Variants in PDS5B observed in about 807,000 individuals in gnomAD.
PDS5B encodes the protein PDS5 cohesin associated factor B.
Under a neutral mutation model 184.1 loss-of-function variants are expected in PDS5B, and 51 were observed. The observed-to-expected ratio is 0.28, with a 90% CI of 0.22 to 0.35. The LOEUF (loss-of-function observed/expected upper bound fraction) is 0.35. Ranked by LOEUF, PDS5B falls within the 10% of genes least tolerant of loss-of-function variation. The pLI is 1.00. For missense variants in PDS5B, 1,180 were observed against 1,723.3 expected, an observed-to-expected ratio of 0.68 and a Z score of 5.58; for synonymous variants, 566 against 569.2, an observed-to-expected ratio of 0.99 and a Z score of 0.08.
At chr13:32,647,472 T>C (rs1174770031) in intron 1 of PDS5B, among the ~76,000 whole-genome samples, 2 of 152,164 alleles carry the variant, frequency 1.3e-5, no homozygotes. Flanking sequence ...GATTTTGGTA[T>C]GTTGCCCAGG....
intron 1 of PDS5B, among the ~76,000 whole-genome samples, chr13:32,592,650 A>G (rs1193789863): frequency 6.6e-6 from 1 of 152,082 alleles, no homozygotes; most frequent in East Asian, 1.9e-4. Context: ...GGGTAACATA[A>G]ATAGGTCAAG....
chr13:32,761,344 GT>G (rs569699919), intron 30 of PDS5B, among the ~76,000 whole-genome samples: 6 of 151,482 alleles, frequency 4.0e-5, no homozygotes, highest in African/African-American at 1.2e-4. Context: ...TTGCTTTTTT[GT>G]TTTTTTTAAA....
At chr13:32,596,347 G>A (rs1219666763) in intron 1 of PDS5B, among the ~76,000 whole-genome samples, 2 of 152,152 alleles carry the variant, frequency 1.3e-5, no homozygotes, top group African/African-American at 4.8e-5. Context: ...TTCATCCATG[G>A]GGTTGGATGT....
At position 32,770,160 on chromosome 13, in the gene PDS5B, G is replaced by A. The variant is rs374693255; in HGVS notation, c.3664G>A (p.Val1222Ile). ...EKPRGRKKTP[V>I]TEQEEKLGMD... ...GCCTAGAGGCAGGAAAAAAACGCCC[G>A]TCACAGAACAGGAGGAGAAATTAGG... is the stretch of plus-strand genomic sequence containing the variant. Residue 1222 changes from valine to isoleucine, a missense_variant, in exon 32 of 35, where the codon GTC (valine) becomes ATC (isoleucine). Val to Ile is a conservative substitution (Grantham distance 29, BLOSUM62 3). Coordinates refer to ENST00000315596, the MANE Select transcript of PDS5B (RefSeq NM_015032.4). 199 of 1,613,020 alleles carry A rather than the reference G, an allele frequency of 1.2e-4. No homozygotes were observed. The highest frequency in any genetic ancestry group is 1.5e-4 in the Non-Finnish European group (179 of 1,179,786).
chr13:32,717,026 C>G (rs1467151643), intron 19 of PDS5B, among the ~76,000 whole-genome samples: 1 of 62,222 alleles, frequency 1.6e-5, no homozygotes, highest in Non-Finnish European at 3.7e-5. Flanking sequence ...GTGGGGGGGT[C>G]AGCCCCCCGC....
intron 19 of PDS5B, among the ~76,000 whole-genome samples, chr13:32,729,009 A>G (rs1297106132): frequency 1.3e-5 from 2 of 152,188 alleles, no homozygotes; most frequent in African/African-American, 4.8e-5. Flanking sequence ...TACATGTGCC[A>G]TGATGGTTTA....
chr13:32,625,274 A>C (rs1288613541), intron 1 of PDS5B, among the ~76,000 whole-genome samples: 1 of 152,108 alleles, frequency 6.6e-6, no homozygotes, highest in South Asian at 2.1e-4. Flanking sequence ...TGAGGTGGCA[A>C]GATCATAACT....
chr13:32,767,382 T>A (rs574932297), intron 31 of PDS5B, among the ~76,000 whole-genome samples: 13 of 152,162 alleles, frequency 8.5e-5, no homozygotes, highest in Non-Finnish European at 1.5e-4. Context: ...CACCACTGTT[T>A]TTAAAAATTG....
chr13:32,699,669 C>A, intron 15 of PDS5B, 61 bp from the exon 16 acceptor site: 1 of 887,862 alleles, frequency 1.1e-6, no homozygotes, highest in Non-Finnish European at 1.6e-6. Flanking sequence ...AAAATATTGA[C>A]CTATTATTAT....
At chr13:32,628,856 G>A (rs532318440) in intron 1 of PDS5B, among the ~76,000 whole-genome samples, 5 of 135,838 alleles carry the variant, frequency 3.7e-5, no homozygotes, top group South Asian at 2.2e-4. Flanking sequence ...TTCCCTTTTC[G>A]ATGTCAGATT....
intron 19 of PDS5B, among the ~76,000 whole-genome samples, chr13:32,718,176 A>G (rs1398815369): frequency 6.7e-6 from 1 of 149,178 alleles, no homozygotes; most frequent in East Asian, 1.9e-4. Flanking sequence ...TTTGAGACGG[A>G]GTCTCGCTCT....
intron 1 of PDS5B, among the ~76,000 whole-genome samples, chr13:32,586,942 C>T (rs1244216681): frequency 3.4e-4 from 49 of 143,286 alleles, no homozygotes; most frequent in African/African-American, 1.1e-3. Context: ...CGGGCGGTGA[C>T]CTTGCGCGCG....
In PDS5B at chr13:32,592,097, C is replaced by T. The variant is rs748936455; in HGVS notation, c.-20+5504C>T. Among the ~76,000 whole-genome samples the T allele has an allele frequency of 6.5e-4, 99 of 152,222 alleles. 1 individual carries two copies. The highest frequency in any genetic ancestry group is 1.3e-3 in the Non-Finnish European group (87 of 68,012). On this transcript the variant is annotated intron_variant, in intron 1 of 34. Coordinates refer to ENST00000315596, the MANE Select transcript of PDS5B (RefSeq NM_015032.4). ...GTATAGAGTCAACCCCACCTTGTAC[C>T]ATCTGCTTATCCTGTCTCATCACTT...
At chr13:32,621,559 A>G (rs904007796) in intron 1 of PDS5B, among the ~76,000 whole-genome samples, 1 of 152,238 alleles carries the variant, frequency 6.6e-6, no homozygotes, top group African/African-American at 2.4e-5. Flanking sequence ...AAAATTTGGA[A>G]CAGCTCATCA....
chr13:32,667,121 T>C (rs1313285096), intron 6 of PDS5B, among the ~76,000 whole-genome samples: 1 of 152,200 alleles, frequency 6.6e-6, no homozygotes, highest in African/African-American at 2.4e-5. Context: ...TCCTGTTCTC[T>C]GGAATATGTT....
chr13:32,666,150 A>C (rs568058034), intron 6 of PDS5B, among the ~76,000 whole-genome samples: 1 of 152,252 alleles, frequency 6.6e-6, no homozygotes, highest in African/African-American at 2.4e-5. Flanking sequence ...GTGCAATCTC[A>C]GCTCACTGCA....
intron 1 of PDS5B, among the ~76,000 whole-genome samples, chr13:32,605,751 T>C (rs1474778745): frequency 6.6e-6 from 1 of 152,016 alleles, no homozygotes; most frequent in Non-Finnish European, 1.5e-5. Flanking sequence ...ATCTGGGTGC[T>C]CCTGTATTGG....
At chr13:32,699,901 A>C (rs768597879) in intron 16 of PDS5B, 32 bp downstream of exon 16, 1 of 1,515,714 alleles carries the variant, frequency 6.6e-7, no homozygotes, top group Non-Finnish European at 8.7e-7. Flanking sequence ...TGTTTGAAAA[A>C]GCCCCCAAAT....
At chr13:32,641,330 C>T (rs1272067598) in intron 1 of PDS5B, among the ~76,000 whole-genome samples, 1 of 151,984 alleles carries the variant, frequency 6.6e-6, no homozygotes, top group Non-Finnish European at 1.5e-5. Context: ...CTGTGTTGCT[C>T]CTTTTCTGCT....
Sources: allele counts gnomAD v4.1 joint callset (sites outside exome capture counted in the v4.1 genomes callset), GRCh38; gene constraint gnomAD v4.1.1; transcripts MANE v1.5; gene names NCBI Gene and HGNC (gene_info 2026-07-23, HGNC 2026-07-21).